The following DRC5 variants were observed in gnomAD, a reference collection of about 807,000 sequenced individuals.
DRC5 encodes T-complex-associated testis-expressed protein 1.
At chr6:44,292,679 A>G in the DRC5 span, among the ~76,000 whole-genome samples, 1 of 151,734 alleles carries the variant, frequency 6.6e-6, no homozygotes, top group Non-Finnish European at 1.5e-5. Context: ...GATATAAGCC[A>G]ATCGGAGTCC....
At chr6:44,296,428 G>A in the DRC5 span, among the ~76,000 whole-genome samples, 1 of 152,232 alleles carries the variant, frequency 6.6e-6, no homozygotes, top group African/African-American at 2.4e-5. Context: ...GAGTGCTGCA[G>A]AGTGGTGCTC....
the DRC5 span, chr6:44,282,599 G>A: frequency 6.6e-7 from 1 of 1,523,974 alleles, no homozygotes; most frequent in South Asian, 1.2e-5. Flanking sequence ...TGCCAGCCAG[G>A]GATAATCAGC....
chr6:44,289,015 A>AAG, the DRC5 span, among the ~76,000 whole-genome samples: 1 of 143,722 alleles, frequency 7.0e-6, no homozygotes, highest in African/African-American at 2.5e-5. Flanking sequence ...AAAAAAAAAA[A>AAG]AAAAAAAGAA....
At chr6:44,287,454 G>C in the DRC5 span, 1 of 1,314,368 alleles carries the variant, frequency 7.6e-7, no homozygotes, top group Non-Finnish European at 1.1e-6. Flanking sequence ...GCTGCCCCAG[G>C]ACCCAGCTTC....
At chr6:44,279,748 GGTGTGTGTGTGTGT>G in the DRC5 span, 281 of 135,380 alleles carry the variant, frequency 2.1e-3, 1 homozygote, top group African/African-American at 6.3e-3. Context: ...GTAGCCAGAG[GGTGTGTGTGTGTGT>G]GTGTGTGTGT....
the DRC5 span, among the ~76,000 whole-genome samples, chr6:44,290,716 A>G: frequency 6.6e-6 from 1 of 152,210 alleles, no homozygotes; most frequent in African/African-American, 2.4e-5. Flanking sequence ...ACACCCAGGG[A>G]GCAGGACCAG....
chr6:44,287,669 G>A, the DRC5 span: 5 of 1,614,262 alleles, frequency 3.1e-6, no homozygotes, highest in Middle Eastern at 1.6e-4. Context: ...GCCCTGGGAT[G>A]TGGGTTCCTG....
the DRC5 span, among the ~76,000 whole-genome samples, chr6:44,291,444 G>C: frequency 0.19 from 28,654 of 152,198 alleles, 2,863 homozygotes; most frequent in Non-Finnish European, 0.21. Flanking sequence ...TTGCTGCCCC[G>C]CTGTCACTGT....
chr6:44,297,104 G>A, the DRC5 span, among the ~76,000 whole-genome samples: 15 of 101,578 alleles, frequency 1.5e-4, no homozygotes, highest in Admixed American at 4.3e-4. Context: ...AGACACCCCA[G>A]CAGAGAAGCT....
chr6:44,279,785 G>A, the DRC5 span: 1 of 201,318 alleles, frequency 5.0e-6, no homozygotes, highest in Non-Finnish European at 1.0e-5. Flanking sequence ...GTGTGTGTGT[G>A]TGTGTGTGTG....
the DRC5 span, chr6:44,287,842 G>GT: frequency 1.9e-6 from 3 of 1,608,594 alleles, no homozygotes; most frequent in Non-Finnish European, 2.6e-6. Flanking sequence ...GGCTGGCAAG[G>GT]TAGGGGTGCG....
At chr6:44,280,116 CA>C in the DRC5 span, 1 of 1,423,942 alleles carries the variant, frequency 7.0e-7, no homozygotes, top group African/African-American at 1.4e-5. Flanking sequence ...TGATACTCTG[CA>C]GCAGGCATGG....
chr6:44,295,963 T>C, the DRC5 span, among the ~76,000 whole-genome samples: 1 of 152,344 alleles, frequency 6.6e-6, no homozygotes, highest in East Asian at 1.9e-4. Context: ...AGATGTGTGT[T>C]AGATATTGTA....
chr6:44,282,221 C>T, the DRC5 span: 1 of 1,614,216 alleles, frequency 6.2e-7, no homozygotes, highest in Non-Finnish European at 8.5e-7. Context: ...CACCGAGGTG[C>T]AGCGTGGTGA....
the DRC5 span, among the ~76,000 whole-genome samples, chr6:44,295,153 GAGCATGTTCAAGACTCC>G: frequency 1.3e-5 from 2 of 152,186 alleles, no homozygotes; most frequent in Non-Finnish European, 2.9e-5. Flanking sequence ...TGAAGACTAG[GAGCATGTTCAAGACTCC>G]AGTCTTGAAC....
At chr6:44,286,381 G>A in the DRC5 span, 50 of 1,614,000 alleles carry the variant, frequency 3.1e-5, no homozygotes, top group South Asian at 4.9e-4. Context: ...GGTGGGCCAC[G>A]TGGCACACGG....
At chr6:44,297,055 G>C in the DRC5 span, among the ~76,000 whole-genome samples, 1 of 7,284 alleles carries the variant, frequency 1.4e-4, no homozygotes, top group Admixed American at 3.2e-3. Flanking sequence ...GACTCCAGCG[G>C]CTCTGGAGTC....
At chr6:44,280,478 A>G in the DRC5 span, 4 of 947,946 alleles carry the variant, frequency 4.2e-6, no homozygotes, top group Non-Finnish European at 6.4e-6. Flanking sequence ...AGATGTGACT[A>G]AAACAAAAGT....
At chr6:44,291,808 G>T in the DRC5 span, among the ~76,000 whole-genome samples, 1 of 152,290 alleles carries the variant, frequency 6.6e-6, no homozygotes, top group Non-Finnish European at 1.5e-5. Flanking sequence ...CTGCATTCCA[G>T]ACTCAAGTCC....
Sources: gnomAD v4.1 joint callset for allele counts (sites outside exome capture counted in the v4.1 genomes callset) on GRCh38, gnomAD v4.1.1 for gene constraint, MANE v1.5 for transcripts, NCBI Gene and HGNC (gene_info 2026-07-23, HGNC 2026-07-21) for gene names.